The following FAAH2 variants were observed in gnomAD, a reference collection of about 807,000 sequenced individuals.
FAAH2 encodes fatty acid amide hydrolase 2.
FAAH2 carries 60 observed loss-of-function variants against 36.9 expected under a neutral mutation model. The observed-to-expected ratio is 1.63, with a 90% CI of 1.32 to 2.02. FAAH2 has a LOEUF of 2.02. Ranked by LOEUF, FAAH2 falls within the 30% of genes most tolerant of loss-of-function variation. The pLI is 0.00. For missense variants in FAAH2, 689 were observed against 397.5 expected (o/e 1.73, Z -6.23); for synonymous variants, 214 against 143.8 (o/e 1.49, Z -3.49).
At chrX:57,186,289 G>T in the FAAH2 span, among the ~76,000 whole-genome samples, 1 of 112,027 alleles carries the variant, frequency 8.9e-6, no homozygotes, top group Admixed American at 9.4e-5. Context: ...GTATTTCATT[G>T]TGGTTTTGAT....
chrX:57,282,456 A>G (rs2051763134), upstream of FAAH2, among the ~76,000 whole-genome samples: 1 of 111,463 alleles, frequency 9.0e-6, no homozygotes, highest in Non-Finnish European at 1.9e-5. Flanking sequence ...GATTGTGGAT[A>G]TTAGATCTTT....
chrX:57,163,221 C>G, the FAAH2 span, among the ~76,000 whole-genome samples: 1 of 112,012 alleles, frequency 8.9e-6, no homozygotes, highest in Non-Finnish European at 1.9e-5. Context: ...TGCCCGTTCT[C>G]AGATCTCCAG....
At chrX:57,215,437 C>A in the FAAH2 span, among the ~76,000 whole-genome samples, 3 of 111,508 alleles carry the variant, frequency 2.7e-5, no homozygotes, top group Non-Finnish European at 5.6e-5. Flanking sequence ...ATCAGAAATA[C>A]CATTTGACCC....
chrX:57,141,123 T>A, the FAAH2 span, among the ~76,000 whole-genome samples: 1 of 112,156 alleles, frequency 8.9e-6, no homozygotes, highest in African/African-American at 3.2e-5. Context: ...CTATATCCAT[T>A]TTGTTGAGAG....
intron 5 of FAAH2, among the ~76,000 whole-genome samples, chrX:57,365,541 T>C (rs1416974565): frequency 8.9e-6 from 1 of 112,010 alleles, no homozygotes; most frequent in Non-Finnish European, 1.9e-5. Flanking sequence ...GCTTTTGGCA[T>C]GGTTGTCTTG....
chrX:57,411,647 G>A (rs182121856), intron 7 of FAAH2, among the ~76,000 whole-genome samples: 1 of 111,936 alleles, frequency 8.9e-6, no homozygotes, highest in East Asian at 2.8e-4. Context: ...TTTGAGTGGG[G>A]CAAGAGAGAA....
chrX:57,216,624 G>GTATATA, the FAAH2 span, among the ~76,000 whole-genome samples: 1 of 57,795 alleles, frequency 1.7e-5, no homozygotes, highest in African/African-American at 5.3e-5. Context: ...ATATATATAC[G>GTATATA]TATATATATA....
At chrX:57,262,718 A>G in the FAAH2 span, among the ~76,000 whole-genome samples, 1 of 111,760 alleles carries the variant, frequency 8.9e-6, no homozygotes, top group Non-Finnish European at 1.9e-5. Flanking sequence ...TTCTAACACA[A>G]TATTAGTAAA....
intron 4 of FAAH2, among the ~76,000 whole-genome samples, chrX:57,338,099 C>T (rs192610559): frequency 9.8e-4 from 110 of 111,875 alleles, no homozygotes; most frequent in African/African-American, 3.3e-3. Flanking sequence ...ACCAAACAGG[C>T]TTTGTGTGAG....
At chrX:57,206,553 C>A in the FAAH2 span, among the ~76,000 whole-genome samples, 1 of 111,983 alleles carries the variant, frequency 8.9e-6, no homozygotes, top group African/African-American at 3.2e-5. Flanking sequence ...AATTGCTTGC[C>A]CTATATAAGT....
the FAAH2 span, among the ~76,000 whole-genome samples, chrX:57,155,548 C>T: frequency 2.7e-5 from 3 of 112,003 alleles, no homozygotes; most frequent in Admixed American, 1.9e-4. Context: ...GGCAGTGGGG[C>T]GTGCTGGGCT....
intron 7 of FAAH2, among the ~76,000 whole-genome samples, chrX:57,425,650 G>A (rs924861395): frequency 1.8e-5 from 2 of 111,444 alleles, no homozygotes; most frequent in African/African-American, 6.5e-5. Context: ...GTATTTTCTA[G>A]ATGAACAAAT....
chrX:57,406,562 C>T (rs961904445), intron 7 of FAAH2, among the ~76,000 whole-genome samples: 1 of 112,470 alleles, frequency 8.9e-6, no homozygotes, highest in Non-Finnish European at 1.9e-5. Context: ...ACATAATCTG[C>T]TTTCCTATAA....
the FAAH2 span, among the ~76,000 whole-genome samples, chrX:57,196,012 A>G: frequency 8.9e-6 from 1 of 111,947 alleles, no homozygotes; most frequent in Admixed American, 9.5e-5. Flanking sequence ...GCCTTATAGT[A>G]TAGTTTGAAG....
chrX:57,126,522 A>T, the FAAH2 span, among the ~76,000 whole-genome samples: 1 of 112,188 alleles, frequency 8.9e-6, no homozygotes, highest in African/African-American at 3.2e-5. Flanking sequence ...ACCTGAAAGG[A>T]TATGAGGATT....
At chrX:57,420,235 GT>G (rs200509357) in intron 7 of FAAH2, among the ~76,000 whole-genome samples, 2 of 109,855 alleles carry the variant, frequency 1.8e-5, no homozygotes, top group Non-Finnish European at 3.8e-5. Flanking sequence ...CTTTAAAGTA[GT>G]TTTTTTCCAA....
chrX:57,370,958 G>C (rs1044294223), intron 5 of FAAH2, among the ~76,000 whole-genome samples: 4 of 111,410 alleles, frequency 3.6e-5, no homozygotes, highest in Non-Finnish European at 7.5e-5. Context: ...AGACCAAATG[G>C]TACTAATAGA....
At chrX:57,264,319 A>C in the FAAH2 span, among the ~76,000 whole-genome samples, 1 of 112,708 alleles carries the variant, frequency 8.9e-6, no homozygotes, top group African/African-American at 3.2e-5. Flanking sequence ...ACTGGTTTCT[A>C]GATTATATAC....
chrX:57,395,754 A>G (rs1350722969), intron 7 of FAAH2, among the ~76,000 whole-genome samples: 1 of 111,651 alleles, frequency 9.0e-6, no homozygotes, highest in Non-Finnish European at 1.9e-5. Context: ...AAATTTGCTA[A>G]TATTTTATTG....
Sources: gnomAD v4.1 joint callset for allele counts (sites outside exome capture counted in the v4.1 genomes callset) on GRCh38, gnomAD v4.1.1 for gene constraint, MANE v1.5 for transcripts, NCBI Gene and HGNC (gene_info 2026-07-23, HGNC 2026-07-21) for gene names.